GARRE1: variants seen among roughly 807,000 people sequenced by gnomAD.
GARRE1 encodes granule associated Rac and RHOG effector 1.
In GARRE1, 49 loss-of-function variants were observed where a neutral mutation model predicts 103.2. The ratio of observed to expected loss-of-function variants is 0.47; its 90% CI spans 0.38 to 0.60. The LOEUF (loss-of-function observed/expected upper bound fraction) is 0.60. Ranked by LOEUF, GARRE1 falls within the 20% of genes least tolerant of loss-of-function variation. The pLI is 0.00. For synonymous variants in GARRE1, 505 were observed against 532.8 expected (o/e 0.95, Z 0.72); for missense variants, 1,199 against 1,370.5 (o/e 0.87, Z 1.98).
At chr19:34,273,991 G>T (rs894885044) in intron 1 of GARRE1, among the ~76,000 whole-genome samples, 1 of 152,128 alleles carries the variant, frequency 6.6e-6, no homozygotes, top group Non-Finnish European at 1.5e-5. Flanking sequence ...ATCCAGAGGG[G>T]AGTAGCCCAG....
intron 10 of GARRE1, among the ~76,000 whole-genome samples, chr19:34,343,427 A>G (rs185891006): frequency 8.5e-5 from 13 of 152,118 alleles, no homozygotes; most frequent in Non-Finnish European, 1.9e-4. Flanking sequence ...ACAGAGAGAA[A>G]CCCTGTCTCA....
At chr19:34,263,104 C>G (rs1040599200) in intron 1 of GARRE1, among the ~76,000 whole-genome samples, 1 of 151,928 alleles carries the variant, frequency 6.6e-6, no homozygotes, top group Admixed American at 6.6e-5. Context: ...TCCCAGCTGT[C>G]CAGGAGGCTG....
chr19:34,345,407 C>G (rs1288090257), intron 10 of GARRE1, among the ~76,000 whole-genome samples: 1 of 152,260 alleles, frequency 6.6e-6, no homozygotes, highest in African/African-American at 2.4e-5. Context: ...AGCAAGCCCA[C>G]TGGCTGCCAC....
intron 2 of GARRE1, among the ~76,000 whole-genome samples, chr19:34,305,296 C>A (rs1347886152): frequency 6.6e-6 from 1 of 152,112 alleles, no homozygotes; most frequent in Non-Finnish European, 1.5e-5. Flanking sequence ...GCAGCTTTGA[C>A]TTTTACATAA....
At chr19:34,342,501 A>C in intron 10 of GARRE1, 46 bp downstream of exon 10, 4 of 1,537,518 alleles carry the variant, frequency 2.6e-6, no homozygotes, top group Non-Finnish European at 3.5e-6. Flanking sequence ...CAGCAAATGC[A>C]ACTGCCGAGG....
intron 1 of GARRE1, among the ~76,000 whole-genome samples, chr19:34,279,271 C>G (rs2073836498): frequency 6.6e-6 from 1 of 152,104 alleles, no homozygotes; most frequent in Non-Finnish European, 1.5e-5. Context: ...CACAAGGCTT[C>G]CAATTTCTCC....
intron 11 of GARRE1, 168 bp downstream of exon 11, chr19:34,348,210 G>A (rs2074221591): frequency 2.1e-6 from 1 of 475,988 alleles, no homozygotes; most frequent in East Asian, 3.5e-5. Flanking sequence ...TCAGAGTCAT[G>A]TGGCTGACTG....
At chr19:34,347,325 C>T (rs987674627) in intron 10 of GARRE1, among the ~76,000 whole-genome samples, 6 of 150,842 alleles carry the variant, frequency 4.0e-5, no homozygotes, top group African/African-American at 9.8e-5. Context: ...CTCTTGACCT[C>T]GTGATCCACC....
intron 1 of GARRE1, among the ~76,000 whole-genome samples, chr19:34,269,861 G>A (rs1207267682): frequency 6.6e-6 from 1 of 152,194 alleles, no homozygotes; most frequent in Non-Finnish European, 1.5e-5. Context: ...ACATGCTTTA[G>A]TATTAATTCC....
At chr19:34,310,009 T>G (rs185035630) in intron 2 of GARRE1, among the ~76,000 whole-genome samples, 1 of 152,172 alleles carries the variant, frequency 6.6e-6, no homozygotes, top group Non-Finnish European at 1.5e-5. Context: ...AAGGAAAGAA[T>G]GAAATGTTGC....
chr19:34,324,557 G>T (rs1023462935), intron 3 of GARRE1, among the ~76,000 whole-genome samples: 8 of 149,974 alleles, frequency 5.3e-5, no homozygotes, highest in Non-Finnish European at 7.4e-5. Flanking sequence ...AGGCTGGAGT[G>T]CGGTAGTGAT....
rs1029655397 is a variant in GARRE1, at chr19:34,283,683, C to T, written c.-795-15996C>T. On this transcript the variant is annotated intron_variant, in intron 1 of 13. Coordinates refer to ENST00000299505, the MANE Select transcript of GARRE1 (RefSeq NM_014686.5). ...TTAGTCAGACGCCCAGGGCCATTCT[C>T]TTCTTCACTTCAATCGTCTTATCTT... Among the ~76,000 whole-genome samples, 14 of 152,250 alleles carry T rather than the reference C, an allele frequency of 9.2e-5. No homozygotes were observed. In the East Asian group the frequency reaches 2.7e-3, roughly 29 times the overall value.
Position 34,309,073 on chromosome 19 carries a change from T to TC in GARRE1, c.495+8106dup, listed in dbSNP as rs1335754060. Among the ~76,000 whole-genome samples, 61 of 122,714 alleles carry TC rather than the reference T, an allele frequency of 5.0e-4. 2 individuals carry two copies. The Admixed American group carries it at 5.2e-3, about 10-fold the overall frequency. 80.5% of individuals were successfully genotyped at this position (122,714 alleles called of 152,430 possible). On this transcript the variant is annotated intron_variant, in intron 2 of 13. Transcript: ENST00000299505. ...ATATTAATAATATTCTACTTCTCCC[T>TC]CTTTAAAAAAAAAAACAAACCCTGA...
At chr19:34,351,431 G>A in intron 12 of GARRE1, 83 bp from the exon 13 acceptor site, 2 of 1,063,032 alleles carry the variant, frequency 1.9e-6, no homozygotes, top group South Asian at 1.3e-5. Flanking sequence ...TGGAGATGCT[G>A]GAGCCTAGCA....
chr19:34,348,212 G>C (rs189392003), intron 11 of GARRE1, 170 bp downstream of exon 11: 204 of 476,694 alleles, frequency 4.3e-4, no homozygotes, highest in African/African-American at 3.8e-3. Context: ...AGAGTCATGT[G>C]GCTGACTGTT....
At position 34,351,388 on chromosome 19, in the gene GARRE1, A is replaced by T. The variant is rs535058169; in HGVS notation, c.2826-126A>T. 8.4e-5 allele frequency: 61 copies of T among 724,130 alleles called. No homozygotes were observed. The African/African-American group carries it at 1.0e-3, about 12-fold the overall frequency. 44.9% of individuals were successfully genotyped at this position (724,130 alleles called of 1,614,324 possible). ...TTAGCCGCCTTTATGCCATTGACCC[A>T]GGCAGGCCTCCTCCCCTCCTAGAAC... On this transcript the variant is annotated intron_variant, in intron 12 of 13. Coordinates refer to ENST00000299505, the MANE Select transcript of GARRE1 (RefSeq NM_014686.5).
At chr19:34,255,148 G>T (rs1282841483) in intron 1 of GARRE1, among the ~76,000 whole-genome samples, 2 of 150,024 alleles carry the variant, frequency 1.3e-5, no homozygotes, top group African/African-American at 2.5e-5. Context: ...GCGCTTTTCC[G>T]GCCCTGCGGA....
intron 1 of GARRE1, among the ~76,000 whole-genome samples, chr19:34,298,399 G>C (rs961283791): frequency 6.9e-6 from 1 of 145,106 alleles, no homozygotes; most frequent in African/African-American, 2.6e-5. Flanking sequence ...GGGTAACACA[G>C]TGAGACTCTG....
intron 1 of GARRE1, among the ~76,000 whole-genome samples, chr19:34,288,579 T>C (rs1397621062): frequency 6.6e-6 from 1 of 152,254 alleles, no homozygotes; most frequent in Non-Finnish European, 1.5e-5. Flanking sequence ...CCTACATTTC[T>C]CTACCTCTCA....
Sources: allele counts gnomAD v4.1 joint callset (sites outside exome capture counted in the v4.1 genomes callset), GRCh38; gene constraint gnomAD v4.1.1; transcripts MANE v1.5; gene names NCBI Gene and HGNC (gene_info 2026-07-23, HGNC 2026-07-21).